MYO5C: variants seen among roughly 807,000 people sequenced by gnomAD.
MYO5C encodes the protein myosin VC, also known as unconventional myosin-Vc.
A neutral mutation model predicts 235.7 loss-of-function variants in MYO5C; 194 were observed. The observed-to-expected ratio is 0.82, with a 90% CI of 0.73 to 0.93. The LOEUF (loss-of-function observed/expected upper bound fraction) is 0.93. Ranked by LOEUF, MYO5C falls within the 40% of genes least tolerant of loss-of-function variation. The pLI is 0.00. For synonymous variants in MYO5C, 707 were observed against 754.8 expected (o/e 0.94, Z 1.04); for missense variants, 2,038 against 2,127.2 (o/e 0.96, Z 0.82).
chr15:52,232,126 A>G (rs1213584167), intron 24 of MYO5C, among the ~76,000 whole-genome samples: 2 of 140,822 alleles, frequency 1.4e-5, no homozygotes, highest in African/African-American at 5.1e-5. Flanking sequence ...AAGAAAGAGA[A>G]AAGAAAGAAA....
chr15:52,261,056 C>T lies in MYO5C; in HGVS notation c.1119G>A (p.Leu373=), dbSNP rs765608809. The part of the protein sequence containing the change: ...GLESGRVAQW[L]CNRKIVTSSE... ...AGCTTGTGACGATTTTGCGATTGCA[C>T]AGCCACTGAGCAACTCTGCCACTCT... The change falls in exon 10 of 41, where the codon CTG becomes CTA. Residue 373 remains leucine (L), a synonymous_variant. Transcript: ENST00000261839. The T allele has an allele frequency of 1.9e-6, 3 of 1,614,250 alleles. No individual in the cohort carries two copies. Among genetic ancestry groups the T allele is most frequent in the South Asian group, 2.2e-5 (2 of 91,088 alleles).
chr15:52,281,871 C>A (rs1409894321), intron 2 of MYO5C, among the ~76,000 whole-genome samples: 2 of 152,184 alleles, frequency 1.3e-5, no homozygotes, highest in Non-Finnish European at 2.9e-5. Context: ...GTCAATTAAT[C>A]CTCACATGAT....
intron 32 of MYO5C, among the ~76,000 whole-genome samples, chr15:52,214,991 C>G (rs1232194113): frequency 1.3e-5 from 2 of 152,174 alleles, no homozygotes; most frequent in Non-Finnish European, 2.9e-5. Context: ...TTTGCCTATT[C>G]TGGACATCTC....
chr15:52,295,682 GC>G lies in MYO5C; in HGVS notation c.-47del. The stretch of plus-strand genomic sequence containing the variant: ...AGGCCGGGGCTGCCGAACGTGCGAG[GC>G]TCGGGGGCTGGGCCTGCGCCGCAGA... On this transcript the variant is annotated 5_prime_UTR_variant, in exon 1 of 41. Coordinates refer to ENST00000261839, the MANE Select transcript of MYO5C (RefSeq NM_018728.4). The G allele has an allele frequency of 1.5e-6, 2 of 1,332,020 alleles. No individual in the cohort carries two copies. Among genetic ancestry groups the G allele is most frequent in the South Asian group, 3.4e-5 (2 of 58,818 alleles). The allele number at this position is 1,332,020 out of a possible 1,614,324, so 82.5% of individuals were successfully genotyped here.
rs754696405 is a variant in MYO5C, at chr15:52,246,097, C to G, written c.1980-55G>C. The stretch of plus-strand genomic sequence containing the variant: ...AGGCATCGTAATTGCTCAACATGCC[C>G]ATAAACAGGCACAGCAGACCTGGCT... On this transcript the variant is annotated intron_variant, in intron 16 of 40. Transcript: ENST00000261839. The G allele has an allele frequency of 2.9e-4, 402 of 1,397,020 alleles. 1 individual carries two copies. Among genetic ancestry groups the G allele is most frequent in the Admixed American group, 5.0e-4 (29 of 57,904 alleles). 86.5% of individuals were successfully genotyped at this position (1,397,020 alleles called of 1,614,324 possible). A position where few individuals can be genotyped will look rare whatever the true frequency, so the allele number is the denominator to read the frequency against.
chr15:52,286,462 G>A (rs1263309903), intron 1 of MYO5C, among the ~76,000 whole-genome samples: 1 of 152,176 alleles, frequency 6.6e-6, no homozygotes, highest in Non-Finnish European at 1.5e-5. Flanking sequence ...CATTGAGAAC[G>A]GGCCATGATG....
chr15:52,231,149 A>G lies in MYO5C; in HGVS notation c.3026+1473T>C, dbSNP rs2141300548. Among the ~76,000 whole-genome samples the G allele has an allele frequency of 1.3e-5, 2 of 152,288 alleles. 1 individual carries two copies. The highest frequency in any genetic ancestry group is 6.8e-3 in the Middle Eastern group (2 of 294). ...GGCCCAGAAGTCTTATGTAAAAAGAATCTTAGACCCACAGCCTGAGCTGGT... is the reference window on the plus strand; with the variant it reads ...GGCCCAGAAGTCTTATGTAAAAAGAGTCTTAGACCCACAGCCTGAGCTGGT... On this transcript the variant is annotated intron_variant, in intron 24 of 40. Coordinates refer to ENST00000261839, the MANE Select transcript of MYO5C (RefSeq NM_018728.4).
chr15:52,224,269 C>T (rs1381888875), intron 28 of MYO5C, among the ~76,000 whole-genome samples: 3 of 152,258 alleles, frequency 2.0e-5, no homozygotes, highest in Middle Eastern at 6.8e-3. Context: ...GGTAACAGAG[C>T]GAGACTCCAT....
chr15:52,268,153 T>C (rs11070891), intron 8 of MYO5C, among the ~76,000 whole-genome samples: 148,054 of 152,252 alleles, frequency 0.97, 72,135 homozygotes, highest in East Asian at 1. Context: ...ATTCCTTGGA[T>C]ATGTTTAACC....
At chr15:52,253,858 G>A (rs925223638) in intron 11 of MYO5C, among the ~76,000 whole-genome samples, 4 of 152,216 alleles carry the variant, frequency 2.6e-5, no homozygotes, top group African/African-American at 9.6e-5. Flanking sequence ...GGGCCGGTGG[G>A]AGAAGCCCAC....
chr15:52,207,187 G>A (rs949086491), intron 36 of MYO5C, among the ~76,000 whole-genome samples: 3 of 151,942 alleles, frequency 2.0e-5, no homozygotes, highest in African/African-American at 7.3e-5. Flanking sequence ...AGAGACAGAG[G>A]TGAAAAGGAA....
chr15:52,271,038 TTA>T (rs2036914335), intron 7 of MYO5C, among the ~76,000 whole-genome samples: 1 of 152,170 alleles, frequency 6.6e-6, no homozygotes, highest in Non-Finnish European at 1.5e-5. Context: ...ATATAATTAA[TTA>T]TGACTACAAG....
chr15:52,271,600 T>C (rs530538353), intron 7 of MYO5C, among the ~76,000 whole-genome samples, 163 bp downstream of exon 7: 1 of 151,634 alleles, frequency 6.6e-6, no homozygotes, highest in Non-Finnish European at 1.5e-5. Context: ...CCGGCCCTAA[T>C]CCATCCCCTT....
chr15:52,254,357 C>T (rs113440839), intron 11 of MYO5C, among the ~76,000 whole-genome samples: 6,375 of 152,148 alleles, frequency 0.042, 252 homozygotes, highest in East Asian at 0.11. Context: ...GGAAGAGGAG[C>T]GAAGAGGTCA....
chr15:52,257,164 C>T lies in MYO5C; in HGVS notation c.1314-444G>A, dbSNP rs867104716. 1.7e-4 allele frequency among the ~76,000 whole-genome samples: 26 copies of T among 152,244 alleles called. 1 individual carries two copies. Among genetic ancestry groups the T allele is most frequent in the African/African-American group, 5.8e-4 (24 of 41,468 alleles). On this transcript the variant is annotated intron_variant, in intron 10 of 40. Transcript: ENST00000261839. ...TGAGAAGGCAATGTGGTTTCCTATT[C>T]TCTCCTTGTCTGTTGAGGGGAGGAG... is the stretch of plus-strand genomic sequence containing the variant.
chr15:52,260,705 C>T (rs2140824503), intron 10 of MYO5C, among the ~76,000 whole-genome samples, 157 bp downstream of exon 10: 1 of 152,268 alleles, frequency 6.6e-6, no homozygotes, highest in African/African-American at 2.4e-5. Flanking sequence ...GGCACCATAG[C>T]CCAGGAGAGT....
At chr15:52,271,997 C>A (rs1368863252) in intron 6 of MYO5C, among the ~76,000 whole-genome samples, 153 bp from the exon 7 acceptor site, 2 of 152,206 alleles carry the variant, frequency 1.3e-5, no homozygotes, top group Admixed American at 1.3e-4. Flanking sequence ...CCCTTCCTCT[C>A]AGCTGAGAAC....
chr15:52,266,103 T>C (rs1301169041), intron 8 of MYO5C, among the ~76,000 whole-genome samples: 2 of 152,176 alleles, frequency 1.3e-5, no homozygotes, highest in African/African-American at 4.8e-5. Context: ...CTGTGATCCA[T>C]AACTAAACCC....
At chr15:52,257,397 G>C (rs2036605753) in intron 10 of MYO5C, among the ~76,000 whole-genome samples, 1 of 152,214 alleles carries the variant, frequency 6.6e-6, no homozygotes, top group Non-Finnish European at 1.5e-5. Context: ...AGCCCTTGGG[G>C]AGGCAGCTGC....
Sources: allele counts gnomAD v4.1 joint callset (sites outside exome capture counted in the v4.1 genomes callset), GRCh38; gene constraint gnomAD v4.1.1; transcripts MANE v1.5; gene names NCBI Gene and HGNC (gene_info 2026-07-23, HGNC 2026-07-21).